The following EYS variants were observed in gnomAD, a reference collection of about 807,000 sequenced individuals.
EYS encodes EGF-like photoreceptor maintenance factor, also known as protein eyes shut homolog.
EYS carries 250 observed loss-of-function variants against 282.1 expected under a neutral mutation model. The ratio of observed to expected loss-of-function variants is 0.89; its 90% CI spans 0.80 to 0.98. The LOEUF (loss-of-function observed/expected upper bound fraction) is 0.98. Ranked by LOEUF, EYS falls within the 50% of genes least tolerant of loss-of-function variation. EYS has a pLI of 0.00. For missense variants in EYS, 4,016 were observed against 3,709.0 expected, an observed-to-expected ratio of 1.08 and a Z score of -2.15; for synonymous variants, 1,355 against 1,282.9, an observed-to-expected ratio of 1.06 and a Z score of -1.20.
At chr6:63,809,847 C>A (rs559547052) in intron 36 of EYS, among the ~76,000 whole-genome samples, 29 of 152,128 alleles carry the variant, frequency 1.9e-4, no homozygotes, top group African/African-American at 6.5e-4. Flanking sequence ...GTATAAAATT[C>A]TATTTTCTAA....
chr6:64,679,740 T>C (rs962304220), intron 22 of EYS, among the ~76,000 whole-genome samples: 1 of 152,198 alleles, frequency 6.6e-6, no homozygotes, highest in Non-Finnish European at 1.5e-5. Context: ...AAAAATATAT[T>C]TTAATACCAT....
At chr6:64,243,751 T>C (rs1766914079) in intron 30 of EYS, among the ~76,000 whole-genome samples, 2 of 152,214 alleles carry the variant, frequency 1.3e-5, no homozygotes, top group African/African-American at 4.8e-5. Flanking sequence ...AACATATTTT[T>C]TCACATTCAA....
At chr6:65,574,546 A>G (rs767119860) in intron 2 of EYS, among the ~76,000 whole-genome samples, 1 of 152,198 alleles carries the variant, frequency 6.6e-6, no homozygotes, top group Admixed American at 6.6e-5. Context: ...AGGGCAATAT[A>G]TAATGATAAA....
chr6:64,448,352 G>A (rs975267543), intron 26 of EYS, among the ~76,000 whole-genome samples: 8 of 152,194 alleles, frequency 5.3e-5, no homozygotes, highest in African/African-American at 1.4e-4. Flanking sequence ...TAAACAAAGT[G>A]GCCTGGAAGC....
intron 28 of EYS, among the ~76,000 whole-genome samples, chr6:64,402,307 AT>A (rs751348904): frequency 3.3e-5 from 5 of 152,186 alleles, no homozygotes; most frequent in Non-Finnish European, 7.4e-5. Flanking sequence ...CAGTAAAAAA[AT>A]AACCTCTCAA....
At chr6:63,993,490 C>T (rs1239744840) in intron 34 of EYS, among the ~76,000 whole-genome samples, 1 of 151,544 alleles carries the variant, frequency 6.6e-6, no homozygotes. Context: ...TTTCAGGATA[C>T]AAAAATCAGC....
chr6:64,041,202 A>C (rs1582186899), intron 33 of EYS, among the ~76,000 whole-genome samples: 1 of 152,210 alleles, frequency 6.6e-6, no homozygotes, highest in East Asian at 1.9e-4. Flanking sequence ...GGACCCCCAC[A>C]GTTTGGAATC....
intron 33 of EYS, among the ~76,000 whole-genome samples, chr6:64,039,359 A>C (rs1013002302): frequency 2.0e-5 from 3 of 152,158 alleles, no homozygotes; most frequent in African/African-American, 7.2e-5. Flanking sequence ...AGGAGAGTAA[A>C]ATTTCTGAGG....
chr6:64,387,587 C>T (rs1391289334), intron 29 of EYS, among the ~76,000 whole-genome samples: 2 of 152,110 alleles, frequency 1.3e-5, no homozygotes, highest in Admixed American at 6.5e-5. Context: ...AACAATGTGA[C>T]AGGAACTGTC....
chr6:65,261,795 A>G (rs1014239026), intron 12 of EYS, among the ~76,000 whole-genome samples: 1 of 152,002 alleles, frequency 6.6e-6, no homozygotes, highest in South Asian at 2.1e-4. Flanking sequence ...TCAATAGTTA[A>G]CTTTATTTGC....
At chr6:64,721,424 G>GA (rs917040778) in intron 22 of EYS, among the ~76,000 whole-genome samples, 4 of 152,086 alleles carry the variant, frequency 2.6e-5, no homozygotes, top group Non-Finnish European at 5.9e-5. Flanking sequence ...TTCAAGAAAA[G>GA]AATCTTTGGT....
intron 30 of EYS, among the ~76,000 whole-genome samples, chr6:64,268,446 C>T (rs190295591): frequency 2.6e-5 from 4 of 152,028 alleles, no homozygotes; most frequent in Admixed American, 2.6e-4. Context: ...AAATGATTTA[C>T]ATATATGATT....
chr6:64,258,414 T>A (rs984737933), intron 30 of EYS, among the ~76,000 whole-genome samples: 1 of 151,998 alleles, frequency 6.6e-6, no homozygotes, highest in African/African-American at 2.4e-5. Flanking sequence ...AATAAATAAC[T>A]TTCCATACTG....
intron 10 of EYS, among the ~76,000 whole-genome samples, chr6:65,337,672 C>G: frequency 6.6e-6 from 1 of 150,770 alleles, no homozygotes; most frequent in East Asian, 2.0e-4. Context: ...GGCTATAAAG[C>G]TATATTTTCT....
intron 26 of EYS, among the ~76,000 whole-genome samples, chr6:64,570,700 T>C (rs1342197555): frequency 6.6e-6 from 1 of 152,176 alleles, no homozygotes; most frequent in Admixed American, 6.5e-5. Flanking sequence ...CATTATGTCA[T>C]GCTAAAGGGA....
At chr6:64,486,115 G>T (rs1386568893) in intron 26 of EYS, among the ~76,000 whole-genome samples, 1 of 151,406 alleles carries the variant, frequency 6.6e-6, no homozygotes, top group East Asian at 1.9e-4. Context: ...TGAATACAGG[G>T]TTTGTAATAT....
At chr6:64,545,243 G>A (rs1420354498) in intron 26 of EYS, among the ~76,000 whole-genome samples, 1 of 151,932 alleles carries the variant, frequency 6.6e-6, no homozygotes, top group Non-Finnish European at 1.5e-5. Flanking sequence ...CATAATCCAG[G>A]ATATAAACAG....
intron 12 of EYS, among the ~76,000 whole-genome samples, chr6:65,098,464 A>T (rs187789695): frequency 4.5e-4 from 68 of 150,948 alleles, no homozygotes; most frequent in African/African-American, 1.1e-3. Flanking sequence ...GCTGAAACTT[A>T]ACTCCCATTT....
intron 31 of EYS, among the ~76,000 whole-genome samples, chr6:64,229,766 C>A (rs991761601): frequency 2.0e-5 from 3 of 152,096 alleles, no homozygotes; most frequent in African/African-American, 4.8e-5. Context: ...CACAAACACA[C>A]CCCTTTGAAT....
Sources: allele counts gnomAD v4.1 joint callset (sites outside exome capture counted in the v4.1 genomes callset), GRCh38; gene constraint gnomAD v4.1.1; transcripts MANE v1.5; gene names NCBI Gene and HGNC (gene_info 2026-07-23, HGNC 2026-07-21).